Variants in PPP5C observed in about 807,000 individuals in gnomAD.
PPP5C encodes serine/threonine-protein phosphatase 5.
A neutral mutation model predicts 66.7 loss-of-function variants in PPP5C; 21 were observed. The observed-to-expected ratio is 0.31, with a 90% CI of 0.22 to 0.45. PPP5C has a LOEUF of 0.45. Among genes scored for constraint, PPP5C ranks in the 20% least tolerant of loss-of-function variants. The probability of loss-of-function intolerance (pLI) is 1.00; values close to 1 mark genes in which losing one functional copy is unlikely to be tolerated. For missense variants in PPP5C, 464 were observed against 675.9 expected (o/e 0.69, Z 3.48); for synonymous variants, 246 against 257.4 (o/e 0.96, Z 0.43).
intron 2 of PPP5C, among the ~76,000 whole-genome samples, chr19:46,368,316 T>G (rs1972525187): frequency 6.6e-6 from 1 of 152,216 alleles, no homozygotes; most frequent in African/African-American, 2.4e-5. Flanking sequence ...GTTTCATTGC[T>G]TGAGCAGGTG....
chr19:46,384,536 A>C (rs747601737), intron 6 of PPP5C: 3 of 418,254 alleles, frequency 7.2e-6, no homozygotes, highest in Non-Finnish European at 1.3e-5. Context: ...CCTCCCCGCC[A>C]CTGGCTTTCC....
chr19:46,365,157 G>A (rs1410449118), intron 2 of PPP5C, among the ~76,000 whole-genome samples: 1 of 151,744 alleles, frequency 6.6e-6, no homozygotes, highest in East Asian at 1.9e-4. Flanking sequence ...TACTTTTTGT[G>A]TTTTTAGTGG....
At chr19:46,375,879 C>T (rs1285667929) in intron 3 of PPP5C, 128 bp downstream of exon 3, 27 of 1,422,520 alleles carry the variant, frequency 1.9e-5, no homozygotes, top group Middle Eastern at 2.6e-4. Context: ...GTCTGTCGCT[C>T]CTCTGCCTGT....
At position 46,374,443 on chromosome 19, in the gene PPP5C, C is replaced by T. The variant is rs1972654802; in HGVS notation, c.364-1161C>T. ...GGCTAAGGATGGTGGGCAGGTCAGACGGGGGTCTACGTGACTAAACAGGTG... is the reference window on the plus strand; with the variant it reads ...GGCTAAGGATGGTGGGCAGGTCAGATGGGGGTCTACGTGACTAAACAGGTG... On this transcript the variant is annotated intron_variant, in intron 2 of 12. Coordinates refer to ENST00000012443, the MANE Select transcript of PPP5C (RefSeq NM_006247.4). Among the ~76,000 whole-genome samples the T allele has an allele frequency of 2.6e-5, 4 of 151,858 alleles. No homozygotes were observed. In the South Asian group the frequency reaches 6.2e-4, roughly 24 times the overall value.
At chr19:46,362,935 C>T (rs957233130) in intron 2 of PPP5C, among the ~76,000 whole-genome samples, 1 of 149,780 alleles carries the variant, frequency 6.7e-6, no homozygotes, top group African/African-American at 2.4e-5. Flanking sequence ...CTACAGGCGC[C>T]CGCCACCACA....
At chr19:46,385,115 T>A (rs921645807) in intron 7 of PPP5C, among the ~76,000 whole-genome samples, 5 of 152,208 alleles carry the variant, frequency 3.3e-5, no homozygotes, top group African/African-American at 1.2e-4. Flanking sequence ...TAGAAATGGA[T>A]GTTTACTCTG....
At chr19:46,349,362 C>T (rs769850212) in intron 1 of PPP5C, among the ~76,000 whole-genome samples, 2 of 151,474 alleles carry the variant, frequency 1.3e-5, no homozygotes, top group African/African-American at 2.4e-5. Flanking sequence ...AGAGTAGAGT[C>T]CAATAGAGAT....
chr19:46,350,468 T>C (rs373563640), intron 1 of PPP5C, among the ~76,000 whole-genome samples: 1 of 152,118 alleles, frequency 6.6e-6, no homozygotes, highest in South Asian at 2.1e-4. Flanking sequence ...ATCCAGGCTC[T>C]CAGGAGTCCT....
chr19:46,363,376 AGATTTACT>A (rs111285332), intron 2 of PPP5C, among the ~76,000 whole-genome samples: 67,593 of 135,660 alleles, frequency 0.5, 17,486 homozygotes, highest in South Asian at 0.71. Flanking sequence ...ATTTGCCAAA[AGATTTACT>A]GATTTACTCA....
chr19:46,360,080 G>A (rs1317575587), intron 2 of PPP5C, among the ~76,000 whole-genome samples: 6 of 152,140 alleles, frequency 3.9e-5, no homozygotes, highest in Admixed American at 2.6e-4. Context: ...CACCCGGCCT[G>A]TAAGATACTT....
At chr19:46,385,643 G>C (rs1391448122) in intron 7 of PPP5C, among the ~76,000 whole-genome samples, 2 of 152,150 alleles carry the variant, frequency 1.3e-5, no homozygotes, top group African/African-American at 4.8e-5. Context: ...AGCCGGGCAT[G>C]GTGGTACACG....
chr19:46,375,013 G>C (rs1216069893), intron 2 of PPP5C, among the ~76,000 whole-genome samples: 1 of 152,200 alleles, frequency 6.6e-6, no homozygotes, highest in African/African-American at 2.4e-5. Context: ...AGGGAGGGAA[G>C]TAACAGCACT....
Position 46,390,942 on chromosome 19 carries a change from C to T in PPP5C, c.*596C>T, listed in dbSNP as rs1310893591. The stretch of plus-strand genomic sequence containing the variant: ...CGGAGGGTGGGGAGGCCGCAAAGTC[C>T]CGCTGGCCGGGCCCACCCAGCTCTG... On this transcript the variant is annotated 3_prime_UTR_variant, in exon 13 of 13. Coordinates refer to ENST00000012443, the MANE Select transcript of PPP5C (RefSeq NM_006247.4). The T allele has an allele frequency of 1.4e-5, 17 of 1,177,394 alleles. No homozygotes were observed. In the East Asian group the frequency reaches 9.5e-4, roughly 66 times the overall value. The allele number at this position is 1,177,394 out of a possible 1,614,324, so 72.9% of individuals were successfully genotyped here. A position where few individuals can be genotyped will look rare whatever the true frequency, so the allele number is the denominator to read the frequency against.
intron 1 of PPP5C, among the ~76,000 whole-genome samples, chr19:46,348,335 G>A (rs578095262): frequency 6.8e-6 from 1 of 146,372 alleles, no homozygotes; most frequent in African/African-American, 2.5e-5. Context: ...TTTTTGAGAC[G>A]GGAGTTTTGC....
intron 6 of PPP5C, 108 bp from the exon 7 acceptor site, chr19:46,384,696 G>C (rs1972852114): frequency 2.5e-6 from 2 of 810,954 alleles, no homozygotes; most frequent in Admixed American, 3.8e-5. Context: ...CAGGAGGCTT[G>C]AGGCCAGGCA....
Position 46,384,081 on chromosome 19 carries a change from G to C in PPP5C, c.798+203G>C. 5 of 577,284 alleles carry C rather than the reference G, an allele frequency of 8.7e-6. No individual in the cohort carries two copies. The South Asian group carries it at 1.0e-4, about 12-fold the overall frequency. 35.8% of individuals were successfully genotyped at this position (577,284 alleles called of 1,614,324 possible). A position where few individuals can be genotyped will look rare whatever the true frequency, so the allele number is the denominator to read the frequency against. The stretch of plus-strand genomic sequence containing the variant: ...TCCAGGCTCGGACAGGCCTGGGCCA[G>C]CACCCACCTGCTGTGTGACCTAAGC... On this transcript the variant is annotated intron_variant, in intron 6 of 12. Transcript: ENST00000012443.
rs148346594 is a variant in PPP5C, at chr19:46,390,104, G to T, written c.1409G>T (p.Arg470Leu). The T allele has an allele frequency of 5.6e-6, 9 of 1,614,062 alleles. No homozygotes were observed. In the Admixed American group the frequency reaches 6.7e-5, roughly 12 times the overall value. Residue 470 changes from arginine (R) to leucine (L), a missense_variant, in exon 12 of 13, where the codon CGG (arginine) becomes CTG (leucine). By Grantham distance (102) the Arg-to-Leu change is moderately radical. This residue lies in a region of PPP5C where 387 missense variants were observed against 626.0 expected (regional missense o/e 0.62). Transcript: ENST00000012443. ...SYIHLQGSDL[R>L]PQFHQFTAVP... ...ATCCACCTCCAGGGCTCTGACCTAC[G>T]GCCTCAGTTCCACCAGTTCACAGCA... is the stretch of plus-strand genomic sequence containing the variant.
rs2147412456 is a variant in PPP5C at position 46,390,670 on chromosome 19, C to T, written c.*324C>T. On this transcript the variant is annotated 3_prime_UTR_variant, in exon 13 of 13. Coordinates refer to ENST00000012443, the MANE Select transcript of PPP5C (RefSeq NM_006247.4). The stretch of plus-strand genomic sequence containing the variant: ...TGCCCCCCTCATTTGCATGGCTCCT[C>T]CCCCACTCAAGCAATAGGGCCCCGC... 2 of 1,242,988 alleles carry T rather than the reference C, an allele frequency of 1.6e-6. No individual in the cohort carries two copies. The highest frequency in any genetic ancestry group is 2.0e-6 in the Non-Finnish European group (2 of 978,310). The allele number at this position is 1,242,988 out of a possible 1,614,324, so 77.0% of individuals were successfully genotyped here.
Position 46,347,189 on chromosome 19 carries a change from C to T in PPP5C, c.93C>T (p.Leu31=). 1 of 1,606,652 alleles carries T rather than the reference C, an allele frequency of 6.2e-7. No individual in the cohort carries two copies. Among genetic ancestry groups the T allele is most frequent in the Non-Finnish European group, 8.5e-7 (1 of 1,177,002 alleles). The stretch of plus-strand genomic sequence containing the variant: ...GAGCTCTGAAGCGGGCAGAGGAGCT[C>T]AAGACTCAGGCCAATGACTACTTCA... ...ADGALKRAEE[L]KTQANDYFKA... The change falls in exon 1 of 13, where the codon CTC becomes CTT. Residue 31 remains leucine (L), a synonymous_variant. Transcript: ENST00000012443.
Sources: allele counts gnomAD v4.1 joint callset (sites outside exome capture counted in the v4.1 genomes callset), GRCh38; gene constraint gnomAD v4.1.1; regional missense constraint gnomAD v4.1.1; transcripts MANE v1.5; gene names NCBI Gene and HGNC (gene_info 2026-07-23, HGNC 2026-07-21).